The following WDR36 variants were observed in gnomAD, a reference collection of about 807,000 sequenced individuals.
WDR36 encodes WD repeat domain 36, also known as WD repeat-containing protein 36.
WDR36 carries 63 observed loss-of-function variants against 112.7 expected under a neutral mutation model. The ratio of observed to expected loss-of-function variants is 0.56; its 90% CI spans 0.46 to 0.69. The LOEUF is 0.69. Ranked by LOEUF, WDR36 falls within the 30% of genes least tolerant of loss-of-function variation. The pLI is 0.00. For synonymous variants in WDR36, 410 were observed against 362.2 expected, an observed-to-expected ratio of 1.13 and a Z score of -1.50; for missense variants, 1,226 against 1,070.3, an observed-to-expected ratio of 1.15 and a Z score of -2.03.
At chr5:111,122,005 A>C (rs1753577185) in intron 19 of WDR36, among the ~76,000 whole-genome samples, 1 of 152,192 alleles carries the variant, frequency 6.6e-6, no homozygotes, top group African/African-American at 2.4e-5. Flanking sequence ...ATAACACAAG[A>C]AAAGAAGTGT....
intron 13 of WDR36, among the ~76,000 whole-genome samples, 155 bp from the exon 14 acceptor site, chr5:111,110,633 C>T (rs968984237): frequency 6.6e-6 from 1 of 151,460 alleles, no homozygotes; most frequent in African/African-American, 2.4e-5. Context: ...AATTAAGAAT[C>T]TTCTTACACC....
In WDR36 at chr5:111,099,463, G is replaced by GT. The variant is rs67437234; in HGVS notation, c.409+645dup. Reference sequence around the variant, plus strand: ...TTGGTTTTTTTTTGTTTTTTTTTTTGTTTTTTTTTTTTTTTTTTTTTCAGT... The same window carrying GT: ...TTGGTTTTTTTTTGTTTTTTTTTTTGTTTTTTTTTTTTTTTTTTTTTTCAGT... On this transcript the variant is annotated intron_variant, in intron 4 of 22. Coordinates refer to ENST00000513710, the MANE Select transcript of WDR36 (RefSeq NM_139281.3). Among the ~76,000 whole-genome samples the GT allele has an allele frequency of 3.7e-3, 317 of 84,864 alleles. 9 individuals carry two copies. Among genetic ancestry groups the GT allele is most frequent in the East Asian group, 0.011 (31 of 2,856 alleles). 55.7% of individuals were successfully genotyped at this position (84,864 alleles called of 152,430 possible).
chr5:111,103,457 C>G (rs1041024669), intron 6 of WDR36, among the ~76,000 whole-genome samples: 1 of 151,610 alleles, frequency 6.6e-6, no homozygotes, highest in Non-Finnish European at 1.5e-5. Context: ...CCATCCAGTC[C>G]AGTGATCTGT....
At chr5:111,103,732 T>C in intron 6 of WDR36, 54 bp from the exon 7 acceptor site, 1 of 1,603,238 alleles carries the variant, frequency 6.2e-7, no homozygotes, top group Non-Finnish European at 8.5e-7. Flanking sequence ...ATCATCAGGA[T>C]TATTAAAGCT....
At position 111,104,293 on chromosome 5, in the gene WDR36, C is replaced by G. The variant is rs921093568; in HGVS notation, c.847C>G (p.Leu283Val). Residue 283 changes from leucine to valine, a missense_variant, in exon 8 of 23, where the codon CTG becomes GTG. Transcript: ENST00000513710. ...TGCACACTCTACAGCAATTGCCGGA[C>G]TGACATTTCTCCATAGAGAGCCACT... Reference protein sequence around the residue: ...RNAHSTAIAGLTFLHREPLLV... With the variant: ...RNAHSTAIAGVTFLHREPLLV... The G allele has an allele frequency of 6.2e-7, 1 of 1,611,966 alleles. No homozygotes were observed. The highest frequency in any genetic ancestry group is 8.5e-7 in the Non-Finnish European group (1 of 1,178,580).
At position 111,096,900 on chromosome 5, in the gene WDR36, A is replaced by T. The variant is rs1752998148; in HGVS notation, c.191-179A>T. The T allele has an allele frequency of 7.7e-6, 4 of 516,666 alleles. No homozygotes were observed. In the East Asian group the frequency reaches 1.3e-4, roughly 17 times the overall value. 32.0% of individuals were successfully genotyped at this position (516,666 alleles called of 1,614,324 possible). ...AAGGTGATTTCCTATCCTTAGTTTGATAGTTACTATTAGATATCTAAAATA... is the reference window on the plus strand; with the variant it reads ...AAGGTGATTTCCTATCCTTAGTTTGTTAGTTACTATTAGATATCTAAAATA... On this transcript the variant is annotated intron_variant, in intron 2 of 22. Coordinates refer to ENST00000513710, the MANE Select transcript of WDR36 (RefSeq NM_139281.3).
At chr5:111,104,981 A>G (rs1753196225) in intron 9 of WDR36, among the ~76,000 whole-genome samples, 164 bp downstream of exon 9, 1 of 151,612 alleles carries the variant, frequency 6.6e-6, no homozygotes, top group Non-Finnish European at 1.5e-5. Context: ...GAGAAGCACT[A>G]TAGATGTTAT....
intron 14 of WDR36, 21 bp downstream of exon 14, chr5:111,110,974 G>C: frequency 6.2e-7 from 1 of 1,609,824 alleles, no homozygotes; most frequent in Non-Finnish European, 8.5e-7. Flanking sequence ...AATGATAATG[G>C]ATTTTCTCTT....
Position 111,111,302 on chromosome 5 carries a change from A to G in WDR36, c.1716+24A>G, listed in dbSNP as rs762301198. ...TGGTAAAACAAACTCTAACTAATAA[A>G]ACTTGACTCATTTCTACTTTTGTTT... On this transcript the variant is annotated intron_variant, in intron 15 of 22. Transcript: ENST00000513710. The G allele has an allele frequency of 2.5e-6, 4 of 1,578,880 alleles. No individual in the cohort carries two copies. In the South Asian group the frequency reaches 4.4e-5, roughly 17 times the overall value.
intron 12 of WDR36, among the ~76,000 whole-genome samples, chr5:111,108,666 T>G (rs1027859347): frequency 6.6e-6 from 1 of 151,382 alleles, no homozygotes; most frequent in Non-Finnish European, 1.5e-5. Flanking sequence ...CTGGCATGGA[T>G]TATTTCATAT....
intron 7 of WDR36, 74 bp from the exon 8 acceptor site, chr5:111,104,103 G>A: frequency 6.9e-7 from 1 of 1,456,978 alleles, no homozygotes; most frequent in Non-Finnish European, 9.4e-7. Context: ...GATTAAAAGG[G>A]AAGAGAGAAG....
chr5:111,109,687 C>T, intron 12 of WDR36, among the ~76,000 whole-genome samples: 1 of 150,896 alleles, frequency 6.6e-6, no homozygotes, highest in East Asian at 1.9e-4. Flanking sequence ...GCTTATAAAC[C>T]AAATGTTTTC....
chr5:111,103,407 G>T (rs183197661), intron 6 of WDR36, among the ~76,000 whole-genome samples: 2 of 151,680 alleles, frequency 1.3e-5, no homozygotes. Context: ...CACACATAGC[G>T]CAAGCCTTTA....
In WDR36 at chr5:111,107,303, G is replaced by T. The variant is rs569378344; in HGVS notation, c.1190G>T (p.Arg397Leu). ...PITKFAAEEA[R>L]ESDWDGIIAC... is the part of the protein sequence containing the mutation. Reference sequence around the variant, plus strand: ...TTTCATTACGTTTTAGAGGAAGCTCGTGAAAGTGACTGGGATGGTATCATT... The same window carrying T: ...TTTCATTACGTTTTAGAGGAAGCTCTTGAAAGTGACTGGGATGGTATCATT... Residue 397 changes from arginine (R) to leucine (L), a missense_variant, in exon 12 of 23, where the codon CGT becomes CTT. Arg to Leu is a moderately radical substitution (Grantham distance 102). Transcript: ENST00000513710. The T allele has an allele frequency of 6.2e-7, 1 of 1,609,772 alleles. No individual in the cohort carries two copies. The highest frequency in any genetic ancestry group is 1.3e-5 in the African/African-American group (1 of 74,782).
rs922773726 is a variant in WDR36 at position 111,128,976 on chromosome 5, T to C, written c.*2093T>C. 15 of 193,774 alleles carry C rather than the reference T, an allele frequency of 7.7e-5. No individual in the cohort carries two copies. Among genetic ancestry groups the C allele is most frequent in the Admixed American group, 3.7e-4 (6 of 16,374 alleles). 12.0% of individuals were successfully genotyped at this position (193,774 alleles called of 1,614,324 possible). A position where few individuals can be genotyped will look rare whatever the true frequency, so the allele number is the denominator to read the frequency against. On this transcript the variant is annotated 3_prime_UTR_variant, in exon 23 of 23. Transcript: ENST00000513710. ...TTTTTATGAGTGTTTAATGTAGGAATGTGTATATATTATCTACAGCCACAG... is the reference window on the plus strand; with the variant it reads ...TTTTTATGAGTGTTTAATGTAGGAACGTGTATATATTATCTACAGCCACAG...
chr5:111,115,656 T>C (rs746482117), intron 16 of WDR36, among the ~76,000 whole-genome samples: 4 of 152,190 alleles, frequency 2.6e-5, no homozygotes, highest in Non-Finnish European at 5.9e-5. Context: ...ATTTGAATAA[T>C]GAAAACAAAT....
intron 6 of WDR36, among the ~76,000 whole-genome samples, chr5:111,103,116 A>G (rs1753153444): frequency 6.6e-6 from 1 of 151,706 alleles, no homozygotes; most frequent in Non-Finnish European, 1.5e-5. Flanking sequence ...CAATTTCTAC[A>G]CAGGGTCTCA....
At chr5:111,124,967 G>A (rs1176275827) in intron 21 of WDR36, among the ~76,000 whole-genome samples, 1 of 152,134 alleles carries the variant, frequency 6.6e-6, no homozygotes, top group African/African-American at 2.4e-5. Context: ...TTTTCAGAAA[G>A]CTAAAGCATA....
Position 111,127,923 on chromosome 5 carries a change from GTTTT to G in WDR36, c.*1056_*1059del, listed in dbSNP as rs1174312563. On this transcript the variant is annotated 3_prime_UTR_variant, in exon 23 of 23. Coordinates refer to ENST00000513710, the MANE Select transcript of WDR36 (RefSeq NM_139281.3). The stretch of plus-strand genomic sequence containing the variant: ...GGTTTTTTTTATTTTGTTTTGTTTT[GTTTT>G]TTTTTTTTTTTTTTTGGCTACACTT... The G allele has an allele frequency of 5.7e-5, 8 of 139,292 alleles. No homozygotes were observed. The highest frequency in any genetic ancestry group is 3.4e-4 in the East Asian group (3 of 8,774). The allele number at this position is 139,292 out of a possible 1,614,324, so 8.6% of individuals were successfully genotyped here. A position where few individuals can be genotyped will look rare whatever the true frequency, so the allele number is the denominator to read the frequency against.
Sources: allele counts gnomAD v4.1 joint callset (sites outside exome capture counted in the v4.1 genomes callset), GRCh38; gene constraint gnomAD v4.1.1; transcripts MANE v1.5; gene names NCBI Gene and HGNC (gene_info 2026-07-23, HGNC 2026-07-21).